ATRNL1: variants seen among roughly 807,000 people sequenced by gnomAD.
ATRNL1 encodes attractin like 1.
In ATRNL1, 95 loss-of-function variants were observed where a neutral mutation model predicts 182.7. The observed-to-expected ratio is 0.52, with a 90% CI of 0.44 to 0.62. ATRNL1 has a LOEUF of 0.62. Among genes scored for constraint, ATRNL1 ranks in the 20% least tolerant of loss-of-function variants. The pLI is 0.00. For missense variants in ATRNL1, 1,471 were observed against 1,679.5 expected (o/e 0.88, Z 2.17); for synonymous variants, 576 against 568.3 (o/e 1.01, Z -0.19).
At chr10:115,277,730 T>C (rs188873902) in intron 13 of ATRNL1, among the ~76,000 whole-genome samples, 185 of 152,244 alleles carry the variant, frequency 1.2e-3, no homozygotes, top group African/African-American at 4.2e-3. Flanking sequence ...GTATTGATAA[T>C]ATGTGAATTA....
At chr10:115,439,829 G>C (rs1307741687) in intron 21 of ATRNL1, among the ~76,000 whole-genome samples, 1 of 151,886 alleles carries the variant, frequency 6.6e-6, no homozygotes, top group Non-Finnish European at 1.5e-5. Context: ...GCCAACAAAT[G>C]AGGACAGGCT....
At chr10:115,407,963 T>A (rs1022639401) in intron 20 of ATRNL1, among the ~76,000 whole-genome samples, 1 of 151,320 alleles carries the variant, frequency 6.6e-6, no homozygotes, top group South Asian at 2.1e-4. Flanking sequence ...ATGATATCTC[T>A]TTGTGGTTTT....
At chr10:115,918,565 A>G (rs552101633) in intron 28 of ATRNL1, among the ~76,000 whole-genome samples, 1 of 152,350 alleles carries the variant, frequency 6.6e-6, no homozygotes, top group Admixed American at 6.5e-5. Context: ...GAATTTTTAG[A>G]ATTCACCAAT....
chr10:115,847,980 C>G lies in ATRNL1; in HGVS notation c.4007C>G (p.Pro1336Arg), dbSNP rs782332447. Residue 1336 changes from proline to arginine, a missense_variant, in exon 28 of 29, where the codon CCT becomes CGT. Around this residue, in one of 3 missense-constraint regions of ATRNL1, gnomAD observed 437 missense variants for 506.0 expected, o/e 0.86. Transcript: ENST00000355044. ...LPRGSSGAPP[P>R]GQSGLAIASA... ...CGAGGATCATCAGGTGCCCCTCCCC[C>G]TGGGCAGTCAGGTATGATAAATGAG... 1.3e-6 allele frequency: 2 copies of G among 1,598,538 alleles called. No individual in the cohort carries two copies. Among genetic ancestry groups the G allele is most frequent in the Non-Finnish European group, 1.7e-6 (2 of 1,166,388 alleles).
chr10:115,897,120 T>TATACATAC (rs761858809), intron 28 of ATRNL1, among the ~76,000 whole-genome samples: 2 of 151,938 alleles, frequency 1.3e-5, no homozygotes, highest in African/African-American at 2.4e-5. Context: ...AATGGGCAAT[T>TATACATAC]ATACATACAT....
chr10:115,463,861 A>G lies in ATRNL1; in HGVS notation c.3417+1826A>G, dbSNP rs953233225. Among the ~76,000 whole-genome samples the G allele has an allele frequency of 8.3e-4, 126 of 152,058 alleles. 1 individual carries two copies. Among genetic ancestry groups the G allele is most frequent in the Non-Finnish European group, 8.8e-5 (6 of 67,968 alleles). On this transcript the variant is annotated intron_variant, in intron 22 of 28. Coordinates refer to ENST00000355044, the MANE Select transcript of ATRNL1 (RefSeq NM_207303.4). The stretch of plus-strand genomic sequence containing the variant: ...CTTTACCTTTAGCTTCTTGATTAAT[A>G]GTAATTCCAAACCTGTGGGGTTCTT...
At chr10:115,103,689 A>G (rs1223004457) in intron 1 of ATRNL1, among the ~76,000 whole-genome samples, 1 of 151,782 alleles carries the variant, frequency 6.6e-6, no homozygotes, top group African/African-American at 2.4e-5. Context: ...CATTTCCCCC[A>G]CTCCAATACC....
intron 26 of ATRNL1, among the ~76,000 whole-genome samples, 178 bp downstream of exon 26, chr10:115,549,714 T>C (rs1174491308): frequency 6.6e-6 from 1 of 151,992 alleles, no homozygotes; most frequent in Non-Finnish European, 1.5e-5. Flanking sequence ...TCACTGTAAT[T>C]TTAAGTTAGT....
At chr10:115,793,425 C>G (rs1243465337) in intron 27 of ATRNL1, among the ~76,000 whole-genome samples, 1 of 152,068 alleles carries the variant, frequency 6.6e-6, no homozygotes, top group East Asian at 1.9e-4. Flanking sequence ...AAAGCAGCCT[C>G]AACACTTTCC....
intron 28 of ATRNL1, among the ~76,000 whole-genome samples, chr10:115,917,485 AG>A (rs869155430): frequency 1.7e-3 from 9 of 5,292 alleles, no homozygotes; most frequent in Admixed American, 3.5e-3. Flanking sequence ...AAAAAAAAAA[AG>A]AAAAAAAAAA....
intron 27 of ATRNL1, among the ~76,000 whole-genome samples, chr10:115,822,155 T>G (rs1264406056): frequency 6.6e-6 from 1 of 152,210 alleles, no homozygotes; most frequent in African/African-American, 2.4e-5. Flanking sequence ...ACATAGAAAT[T>G]GAGCAACCTG....
At chr10:115,152,864 C>T (rs10787552) in intron 5 of ATRNL1, among the ~76,000 whole-genome samples, 8,561 of 151,970 alleles carry the variant, frequency 0.056, 786 homozygotes, top group African/African-American at 0.19. Flanking sequence ...TCATAAATAC[C>T]TCTTATTATT....
At chr10:115,801,325 A>G (rs1555084325) in intron 27 of ATRNL1, among the ~76,000 whole-genome samples, 1 of 152,144 alleles carries the variant, frequency 6.6e-6, no homozygotes, top group East Asian at 1.9e-4. Flanking sequence ...ATTCCACTTA[A>G]GGTGGAATAG....
chr10:115,323,828 A>C (rs2134039667), intron 18 of ATRNL1, among the ~76,000 whole-genome samples: 1 of 151,070 alleles, frequency 6.6e-6, no homozygotes, highest in East Asian at 2.0e-4. Context: ...CCCAGCCTGG[A>C]GTGCAGTGGC....
At chr10:115,269,197 G>A (rs1177492210) in intron 13 of ATRNL1, among the ~76,000 whole-genome samples, 3 of 152,146 alleles carry the variant, frequency 2.0e-5, no homozygotes, top group African/African-American at 7.2e-5. Context: ...ATTTATGGCA[G>A]ATGAAAATGG....
At chr10:115,491,560 C>G (rs1376373388) in intron 24 of ATRNL1, among the ~76,000 whole-genome samples, 2 of 152,136 alleles carry the variant, frequency 1.3e-5, no homozygotes, top group African/African-American at 4.8e-5. Flanking sequence ...GGCAAAATCA[C>G]CTACTCAAGC....
At chr10:115,853,551 T>G (rs2134371104) in intron 28 of ATRNL1, among the ~76,000 whole-genome samples, 1 of 152,324 alleles carries the variant, frequency 6.6e-6, no homozygotes, top group South Asian at 2.1e-4. Context: ...TCCTTCACAC[T>G]TTGTTTTTCT....
intron 26 of ATRNL1, among the ~76,000 whole-genome samples, chr10:115,720,285 G>A (rs10749180): frequency 0.37 from 55,976 of 151,948 alleles, 11,070 homozygotes; most frequent in Admixed American, 0.54. Flanking sequence ...AAGAAGTACT[G>A]TTTTGTCTCC....
At chr10:115,627,505 C>T (rs1592970638) in intron 26 of ATRNL1, among the ~76,000 whole-genome samples, 2 of 152,172 alleles carry the variant, frequency 1.3e-5, no homozygotes, top group Middle Eastern at 6.8e-3. Flanking sequence ...ACTGAGATTA[C>T]AGGCACACAC....
Sources: allele counts gnomAD v4.1 joint callset (sites outside exome capture counted in the v4.1 genomes callset), GRCh38; gene constraint gnomAD v4.1.1; regional missense constraint gnomAD v4.1.1; transcripts MANE v1.5; gene names NCBI Gene and HGNC (gene_info 2026-07-23, HGNC 2026-07-21).